Variants in LIMCH1 observed in about 807,000 individuals in gnomAD.
LIMCH1 encodes LIM and calponin homology domains-containing protein 1.
A neutral mutation model predicts 176.5 loss-of-function variants in LIMCH1; 113 were observed. The observed-to-expected ratio is 0.64, with a 90% confidence interval of 0.55 to 0.75. The LOEUF (loss-of-function observed/expected upper bound fraction) is 0.75, where lower values mean the gene tolerates loss of function less well. LIMCH1 is among the 30% of genes least tolerant of loss of function. LIMCH1 has a pLI of 0.00. For missense variants in LIMCH1, 1,674 were observed against 1,814.9 expected, an observed-to-expected ratio of 0.92 and a Z score of 1.41; for synonymous variants, 619 against 645.9, an observed-to-expected ratio of 0.96 and a Z score of 0.63.
At chr4:41,652,788 T>A (rs1359890333) in intron 18 of LIMCH1, among the ~76,000 whole-genome samples, 1 of 152,324 alleles carries the variant, frequency 6.6e-6, no homozygotes, top group African/African-American at 2.4e-5. Context: ...GAAACTATGC[T>A]ATTTCAAAAG....
intron 2 of LIMCH1, among the ~76,000 whole-genome samples, chr4:41,513,653 T>G (rs1394713823): frequency 6.6e-6 from 1 of 152,150 alleles, no homozygotes; most frequent in East Asian, 1.9e-4. Context: ...CGATGATCCT[T>G]TCCCTGGTGT....
At chr4:41,685,054 A>G (rs1719566855) in intron 27 of LIMCH1, among the ~76,000 whole-genome samples, 1 of 152,212 alleles carries the variant, frequency 6.6e-6, no homozygotes, top group Non-Finnish European at 1.5e-5. Flanking sequence ...TTCCTAGATA[A>G]CTGAAACTTC....
chr4:41,568,260 A>C (rs1214443687), intron 1 of LIMCH1, among the ~76,000 whole-genome samples: 3 of 152,230 alleles, frequency 2.0e-5, no homozygotes, highest in African/African-American at 7.2e-5. Context: ...TTGATAGTGA[A>C]ATTACAGACT....
intron 1 of LIMCH1, among the ~76,000 whole-genome samples, chr4:41,550,422 T>G (rs1268815402): frequency 6.6e-6 from 1 of 152,046 alleles, no homozygotes; most frequent in Non-Finnish European, 1.5e-5. Flanking sequence ...CTGGAGTAAA[T>G]GGCTCAAGGC....
intron 13 of LIMCH1, among the ~76,000 whole-genome samples, chr4:41,637,809 C>T (rs1025471964): frequency 6.6e-5 from 10 of 152,128 alleles, no homozygotes; most frequent in Non-Finnish European, 1.0e-4. Context: ...CTCATGCATT[C>T]TGGGGTGTTT....
chr4:41,419,616 T>TTCC lies in LIMCH1; in HGVS notation c.96+58682_96+58684dup, dbSNP rs2060330226. On this transcript the variant is annotated intron_variant, in intron 1 of 26. Transcript: ENST00000313860. ...CTTCCTTCCTTCCGTCCTTCCTTCC[T>TTCC]TCCTTCCTTCCTTCCTTCCTCCTTC... 5.5e-5 allele frequency among the ~76,000 whole-genome samples: 5 copies of TTCC among 90,902 alleles called. 1 individual carries two copies. Among genetic ancestry groups the TTCC allele is most frequent in the African/African-American group, 7.7e-5 (1 of 12,964 alleles). 59.6% of individuals were successfully genotyped at this position (90,902 alleles called of 152,430 possible). A position where few individuals can be genotyped will look rare whatever the true frequency, so the allele number is the denominator to read the frequency against.
At chr4:41,483,531 G>A (rs573128883) in intron 1 of LIMCH1, among the ~76,000 whole-genome samples, 11 of 152,246 alleles carry the variant, frequency 7.2e-5, no homozygotes, top group African/African-American at 2.6e-4. Context: ...CATCTTCTGG[G>A]TTGTCTCTTT....
At chr4:41,640,154 T>C (rs1355489724) in intron 14 of LIMCH1, among the ~76,000 whole-genome samples, 2 of 152,222 alleles carry the variant, frequency 1.3e-5, no homozygotes, top group Admixed American at 6.5e-5. Flanking sequence ...AAATTCAGCC[T>C]GAGCTTGACT....
Position 41,680,939 on chromosome 4 carries a change from C to T in LIMCH1, c.3613-16C>T, listed in dbSNP as rs373578136. On this transcript the variant is annotated splice_polypyrimidine_tract_variant and intron_variant, in intron 24 of 31. Coordinates refer to ENST00000503057, the MANE Select transcript of LIMCH1 (RefSeq NM_001330672.2). ...TTATTTTCCCCCCTTTCATCGATTCCTGTCCTTCCCCTTAGGAGCGTAAGA... is the reference window on the plus strand; with the variant it reads ...TTATTTTCCCCCCTTTCATCGATTCTTGTCCTTCCCCTTAGGAGCGTAAGA... 4.3e-4 allele frequency: 611 copies of T among 1,413,754 alleles called. No individual in the cohort carries two copies. The highest frequency in any genetic ancestry group is 2.1e-4 in the Non-Finnish European group (209 of 1,007,372). 87.6% of individuals were successfully genotyped at this position (1,413,754 alleles called of 1,614,324 possible).
At chr4:41,452,867 G>T (rs2064065036) in intron 1 of LIMCH1, among the ~76,000 whole-genome samples, 1 of 152,144 alleles carries the variant, frequency 6.6e-6, no homozygotes, top group African/African-American at 2.4e-5. Flanking sequence ...CTTTTCTGTT[G>T]CCCTCAATAG....
chr4:41,644,347 A>G (rs900506424), intron 14 of LIMCH1, among the ~76,000 whole-genome samples, 153 bp from the exon 15 acceptor site: 1 of 152,166 alleles, frequency 6.6e-6, no homozygotes, highest in Non-Finnish European at 1.5e-5. Flanking sequence ...GCCCAGGGCC[A>G]GAACACACCG....
chr4:41,692,675 T>C (rs1727035433), intron 31 of LIMCH1: 1 of 288,396 alleles, frequency 3.5e-6, no homozygotes, highest in Non-Finnish European at 6.6e-6. Flanking sequence ...AAAGGAGATA[T>C]AAGGTCTGTC....
Position 41,424,581 on chromosome 4 carries a change from AT to A in LIMCH1, c.96+63654del, listed in dbSNP as rs552657940. Among the ~76,000 whole-genome samples the A allele has an allele frequency of 4.6e-3, 695 of 151,564 alleles. 8 individuals are homozygous for A. Among genetic ancestry groups the A allele is most frequent in the African/African-American group, 0.016 (650 of 41,344 alleles). On this transcript the variant is annotated intron_variant, in intron 1 of 26. Coordinates refer to the LIMCH1 transcript ENST00000313860. ...AGCAGCACCCATATCCAAACATATC[AT>A]TTTTTTTTGTTTTGTAATGAAACTT...
chr4:41,359,774 A>G (rs759535239), upstream of LIMCH1: 4 of 151,702 alleles, frequency 2.6e-5, no homozygotes, highest in South Asian at 2.1e-4. Flanking sequence ...CCATCTGCCT[A>G]CCTCCCGTTA....
intron 1 of LIMCH1, among the ~76,000 whole-genome samples, chr4:41,581,058 T>A (rs1389492915): frequency 6.6e-6 from 1 of 152,152 alleles, no homozygotes; most frequent in East Asian, 1.9e-4. Flanking sequence ...GTTACAGAGA[T>A]AACCTTTAAA....
intron 1 of LIMCH1, among the ~76,000 whole-genome samples, chr4:41,384,609 C>T (rs2056234254): frequency 6.6e-6 from 1 of 152,166 alleles, no homozygotes; most frequent in East Asian, 1.9e-4. Context: ...GTTGATGCAA[C>T]ATTTTTAGCC....
intron 4 of LIMCH1, chr4:41,612,348 C>T: frequency 3.6e-6 from 2 of 556,784 alleles, no homozygotes; most frequent in South Asian, 5.2e-5. Flanking sequence ...ATTTATTTTT[C>T]CTTTCTATTG....
chr4:41,625,759 G>A (rs1056256836), intron 7 of LIMCH1, among the ~76,000 whole-genome samples: 2 of 152,146 alleles, frequency 1.3e-5, no homozygotes, highest in Non-Finnish European at 2.9e-5. Context: ...GATGCACAAG[G>A]GACCAGATTC....
chr4:41,419,326 C>T (rs964052138), intron 1 of LIMCH1, among the ~76,000 whole-genome samples: 7 of 151,936 alleles, frequency 4.6e-5, no homozygotes, highest in Non-Finnish European at 1.0e-4. Flanking sequence ...CACAGATGCC[C>T]ACCACCACAT....
Sources: allele counts gnomAD v4.1 joint callset (sites outside exome capture counted in the v4.1 genomes callset), GRCh38; gene constraint gnomAD v4.1.1; transcripts MANE v1.5; gene names NCBI Gene and HGNC (gene_info 2026-07-23, HGNC 2026-07-21).